TRAF3IP1: variants seen among roughly 807,000 people sequenced by gnomAD.
The protein encoded by TRAF3IP1 is TRAF3-interacting protein 1.
In TRAF3IP1, 53 loss-of-function variants were observed where a neutral mutation model predicts 89.9. That is an observed-to-expected ratio of 0.59 (90% CI 0.47 to 0.74). The LOEUF (loss-of-function observed/expected upper bound fraction) is 0.74. Ranked by LOEUF, TRAF3IP1 falls within the 30% of genes least tolerant of loss-of-function variation. The probability of loss-of-function intolerance (pLI) is 0.00; values close to 1 mark genes in which losing one functional copy is unlikely to be tolerated. For synonymous variants in TRAF3IP1, 311 were observed against 322.1 expected, an observed-to-expected ratio of 0.97 and a Z score of 0.37; for missense variants, 806 against 866.1, an observed-to-expected ratio of 0.93 and a Z score of 0.87.
At chr2:238,388,925 G>A (rs561191735) in intron 15 of TRAF3IP1, among the ~76,000 whole-genome samples, 3 of 152,210 alleles carry the variant, frequency 2.0e-5, no homozygotes, top group Non-Finnish European at 4.4e-5. Flanking sequence ...GAGCCACTGC[G>A]CCCAGCCTAG....
Position 238,329,160 on chromosome 2 carries a change from C to A in TRAF3IP1, c.733C>A (p.Arg245Ser), listed in dbSNP as rs575734415. 1.3e-6 allele frequency: 2 copies of A among 1,549,402 alleles called. No homozygotes were observed. The highest frequency in any genetic ancestry group is 4.8e-5 in the East Asian group (2 of 41,942). The change falls in exon 5 of 17, where the codon CGC (arginine) becomes AGC (serine). Residue 245 changes from arginine to serine, a missense_variant. Arg to Ser is a moderately radical substitution (Grantham distance 110, BLOSUM62 -1). Transcript: ENST00000373327. ...CAGGGAGCGGGACAGAGACTCCGAG[C>A]GCAAGAAGGAGACAGAGAGAAAGAG... ...GNRERDRDSE[R>S]KKETERKSEG...
chr2:238,321,957 T>A lies in TRAF3IP1; in HGVS notation c.123+1172T>A, dbSNP rs1415192035. Among the ~76,000 whole-genome samples the A allele has an allele frequency of 2.6e-5, 4 of 152,252 alleles. No individual in the cohort carries two copies. In the East Asian group the frequency reaches 7.7e-4, roughly 29 times the overall value. On this transcript the variant is annotated intron_variant, in intron 1 of 16. Transcript: ENST00000373327. ...TTATAACGTGTGGTCTCCTGGAGCGTGTGCCTCTGTGTTAAAACAGTGCCT... is the reference window on the plus strand; with the variant it reads ...TTATAACGTGTGGTCTCCTGGAGCGAGTGCCTCTGTGTTAAAACAGTGCCT...
chr2:238,394,090 G>A (rs1230195528), intron 15 of TRAF3IP1, among the ~76,000 whole-genome samples: 5 of 152,118 alleles, frequency 3.3e-5, no homozygotes. Context: ...CAGCTACTTG[G>A]GAGGCCGAGG....
intron 15 of TRAF3IP1, 98 bp downstream of exon 15, chr2:238,356,178 T>C: frequency 2.1e-6 from 2 of 970,888 alleles, no homozygotes; most frequent in Non-Finnish European, 3.2e-6. Context: ...ATTACCATTA[T>C]CAGTGATGTC....
At chr2:238,384,337 G>GATTGT (rs1553619338) in intron 15 of TRAF3IP1, among the ~76,000 whole-genome samples, 1 of 139,638 alleles carries the variant, frequency 7.2e-6, no homozygotes, top group Admixed American at 7.2e-5. Flanking sequence ...GAATCAACCT[G>GATTGT]ATGTATGTAT....
intron 15 of TRAF3IP1, among the ~76,000 whole-genome samples, chr2:238,357,932 T>G (rs577048734): frequency 6.6e-6 from 1 of 152,142 alleles, no homozygotes; most frequent in African/African-American, 2.4e-5. Flanking sequence ...AGGAAAAGTG[T>G]CCTTTTTTGG....
chr2:238,376,904 T>G (rs898929705), intron 15 of TRAF3IP1, among the ~76,000 whole-genome samples: 1 of 152,174 alleles, frequency 6.6e-6, no homozygotes, highest in Admixed American at 6.5e-5. Context: ...GCTAATAACA[T>G]AGGTCATAGT....
At chr2:238,346,172 G>A (rs1030038151) in intron 9 of TRAF3IP1, among the ~76,000 whole-genome samples, 5 of 152,100 alleles carry the variant, frequency 3.3e-5, no homozygotes, top group African/African-American at 1.2e-4. Context: ...GCTCCAGGCC[G>A]CACAGCCATG....
At chr2:238,339,197 C>G (rs541444799) in intron 8 of TRAF3IP1, among the ~76,000 whole-genome samples, 11 of 152,272 alleles carry the variant, frequency 7.2e-5, no homozygotes, top group African/African-American at 2.6e-4. Context: ...GCTGGCATTT[C>G]CAGGAGTGGG....
chr2:238,384,526 C>T (rs1205037843), intron 15 of TRAF3IP1, among the ~76,000 whole-genome samples: 1 of 148,496 alleles, frequency 6.7e-6, no homozygotes, highest in Non-Finnish European at 1.5e-5. Flanking sequence ...ATGCATGCCA[C>T]CCCGCCTGGC....
intron 15 of TRAF3IP1, among the ~76,000 whole-genome samples, chr2:238,374,065 G>A (rs1574956296): frequency 6.6e-6 from 1 of 152,190 alleles, no homozygotes; most frequent in African/African-American, 2.4e-5. Context: ...ATACCATCAT[G>A]TCATCTGCAA....
chr2:238,377,230 CTTTTTTTT>C (rs71402784), intron 15 of TRAF3IP1, among the ~76,000 whole-genome samples: 6 of 86,708 alleles, frequency 6.9e-5, no homozygotes, highest in Admixed American at 5.0e-4. Flanking sequence ...TCCTGATTTT[CTTTTTTTT>C]TTTTTTTTTT....
chr2:238,345,928 A>G lies in TRAF3IP1; in HGVS notation c.1261+1330A>G, dbSNP rs965984830. Among the ~76,000 whole-genome samples, 4 of 152,028 alleles carry G rather than the reference A, an allele frequency of 2.6e-5. No homozygotes were observed. The highest frequency in any genetic ancestry group is 1.3e-4 in the Admixed American group (2 of 15,258). On this transcript the variant is annotated intron_variant, in intron 9 of 16. Transcript: ENST00000373327. The surrounding 1 kb of genome is among the most constrained non-coding windows in gnomAD (Gnocchi z 4.7). ...GTGCCTTGGGTTCTGGGTAACGGGG[A>G]CTGGAAGTATCCATTGAAAGGTAGA...
chr2:238,325,202 C>A, intron 1 of TRAF3IP1, 104 bp from the exon 2 acceptor site: 2 of 1,105,858 alleles, frequency 1.8e-6, no homozygotes, highest in Non-Finnish European at 2.8e-6. Context: ...CAAATCTGGG[C>A]TGCTAGTCAA....
At position 238,346,429 on chromosome 2, in the gene TRAF3IP1, C is replaced by T. The variant is rs1039787206; in HGVS notation, c.1262-1026C>T. Among the ~76,000 whole-genome samples, 12 of 152,290 alleles carry T rather than the reference C, an allele frequency of 7.9e-5. No homozygotes were observed. The South Asian group carries it at 2.5e-3, about 32-fold the overall frequency. On this transcript the variant is annotated intron_variant, in intron 9 of 16. Transcript: ENST00000373327. The stretch of plus-strand genomic sequence containing the variant: ...GTGGGGTGTGACCTCTGGAGGTTCT[C>T]AGGCCCATACTAATAGAGTCCTCTA...
At chr2:238,394,195 C>A (rs1559398755) in intron 15 of TRAF3IP1, among the ~76,000 whole-genome samples, 1 of 151,578 alleles carries the variant, frequency 6.6e-6, no homozygotes, top group East Asian at 1.9e-4. Flanking sequence ...GACTCCGTTT[C>A]AAAAAAAAGC....
At chr2:238,360,572 A>C (rs1227220178) in intron 15 of TRAF3IP1, among the ~76,000 whole-genome samples, 33 of 152,052 alleles carry the variant, frequency 2.2e-4, no homozygotes, top group Non-Finnish European at 3.7e-4. Context: ...CCTCGTCAGC[A>C]CTAGGTACGG....
At chr2:238,328,269 T>A (rs1331608042) in intron 3 of TRAF3IP1, among the ~76,000 whole-genome samples, 1 of 152,168 alleles carries the variant, frequency 6.6e-6, no homozygotes, top group Non-Finnish European at 1.5e-5. Flanking sequence ...TGTTTTTTTT[T>A]AGGAGCAGCC....
At chr2:238,363,810 A>G (rs1431014339) in intron 15 of TRAF3IP1, among the ~76,000 whole-genome samples, 1 of 152,086 alleles carries the variant, frequency 6.6e-6, no homozygotes, top group East Asian at 1.9e-4. Context: ...AAATACAGAA[A>G]TTAGCCGGAC....
Sources: allele counts gnomAD v4.1 joint callset (sites outside exome capture counted in the v4.1 genomes callset), GRCh38; gene constraint gnomAD v4.1.1; non-coding constraint Gnocchi (gnomAD v3.1); transcripts MANE v1.5; gene names NCBI Gene and HGNC (gene_info 2026-07-23, HGNC 2026-07-21).